Variants in PLEKHG1 observed in about 807,000 individuals in gnomAD.
PLEKHG1 encodes pleckstrin homology and RhoGEF domain containing G1.
A neutral mutation model predicts 100.8 loss-of-function variants in PLEKHG1; 44 were observed. The ratio of observed to expected loss-of-function variants is 0.44; its 90% CI spans 0.34 to 0.56. PLEKHG1 has a LOEUF of 0.56. Ranked by LOEUF, PLEKHG1 falls within the 20% of genes least tolerant of loss-of-function variation. The pLI, the probability that PLEKHG1 is intolerant of heterozygous loss-of-function variation, is 0.01. For missense variants in PLEKHG1, 1,545 were observed against 1,720.9 expected (o/e 0.90, Z 1.81); for synonymous variants, 640 against 662.5 (o/e 0.97, Z 0.52).
At chr6:150,640,704 C>T (rs1398452010) in intron 2 of PLEKHG1, among the ~76,000 whole-genome samples, 3 of 152,066 alleles carry the variant, frequency 2.0e-5, no homozygotes, top group Non-Finnish European at 4.4e-5. Flanking sequence ...CACTTTAGCC[C>T]TTACAATTTC....
intron 2 of PLEKHG1, among the ~76,000 whole-genome samples, chr6:150,640,092 AG>A (rs1778189228): frequency 1.3e-5 from 2 of 152,248 alleles, no homozygotes; most frequent in African/African-American, 4.8e-5. Flanking sequence ...CTTTCCCTGT[AG>A]GGTTACCCAT....
intron 3 of PLEKHG1, among the ~76,000 whole-genome samples, chr6:150,780,794 T>C (rs1583115199): frequency 6.6e-6 from 1 of 152,146 alleles, no homozygotes; most frequent in Admixed American, 6.5e-5. Flanking sequence ...GAAGATTCAT[T>C]TGATGAATCC....
chr6:150,654,594 A>G (rs2128576409), intron 3 of PLEKHG1, among the ~76,000 whole-genome samples: 1 of 152,324 alleles, frequency 6.6e-6, no homozygotes, highest in South Asian at 2.1e-4. Flanking sequence ...TGTGGGATTG[A>G]AATATGACTG....
intron 1 of PLEKHG1, among the ~76,000 whole-genome samples, chr6:150,634,086 AAC>A: frequency 6.9e-6 from 1 of 145,404 alleles, no homozygotes; most frequent in African/African-American, 2.5e-5. Context: ...TACTAACAAC[AAC>A]AAAAAAAAAT....
intron 1 of PLEKHG1, among the ~76,000 whole-genome samples, chr6:150,609,453 C>A (rs1776731617): frequency 6.6e-6 from 1 of 151,974 alleles, no homozygotes; most frequent in Admixed American, 6.6e-5. Flanking sequence ...GTAGGGCAGG[C>A]CTTAGAGAGA....
At chr6:150,603,853 G>A (rs760231326) in intron 1 of PLEKHG1, among the ~76,000 whole-genome samples, 1 of 152,082 alleles carries the variant, frequency 6.6e-6, no homozygotes, top group Non-Finnish European at 1.5e-5. Context: ...CCCTCCCTTC[G>A]TGGTCCTAGA....
exon 16 of PLEKHG1, chr6:150,842,206 T>C (rs949199493): frequency 2.0e-5 from 3 of 152,250 alleles, no homozygotes; most frequent in African/African-American, 7.2e-5. Flanking sequence ...TAACATATTC[T>C]ATTTTATTGA....
intron 1 of PLEKHG1, among the ~76,000 whole-genome samples, chr6:150,604,239 AT>A (rs1776492209): frequency 6.6e-6 from 1 of 152,240 alleles, no homozygotes; most frequent in Admixed American, 6.5e-5. Flanking sequence ...GAGCTCTAAT[AT>A]TTGAAGTGGT....
At chr6:150,768,769 A>G (rs750843035) in intron 3 of PLEKHG1, 31 bp downstream of exon 4, 6 of 1,235,792 alleles carry the variant, frequency 4.9e-6, no homozygotes, top group Admixed American at 3.4e-5. Flanking sequence ...TTGTTCTCAC[A>G]TACGAGCATT....
chr6:150,843,617 A>T (rs529754513), exon 16 of PLEKHG1: 1 of 152,350 alleles, frequency 6.6e-6, no homozygotes, highest in South Asian at 2.1e-4. Flanking sequence ...TAAGATAATG[A>T]AAGTTAGTAA....
At chr6:150,613,346 T>C (rs1776929689) in intron 1 of PLEKHG1, among the ~76,000 whole-genome samples, 1 of 152,256 alleles carries the variant, frequency 6.6e-6, no homozygotes, top group African/African-American at 2.4e-5. Flanking sequence ...GTATAGCATG[T>C]ATCAACACCT....
At chr6:150,643,762 T>C (rs1455867892) in intron 2 of PLEKHG1, among the ~76,000 whole-genome samples, 1 of 152,172 alleles carries the variant, frequency 6.6e-6, no homozygotes, top group Non-Finnish European at 1.5e-5. Context: ...CACTACATAA[T>C]TGAATCAAAT....
intron 14 of PLEKHG1, among the ~76,000 whole-genome samples, chr6:150,824,919 A>T (rs939449140): frequency 2.0e-5 from 3 of 151,998 alleles, no homozygotes; most frequent in Non-Finnish European, 4.4e-5. Flanking sequence ...GAAACGTGTG[A>T]AACTTATTAA....
intron 3 of PLEKHG1, among the ~76,000 whole-genome samples, chr6:150,669,491 A>T (rs1381831526): frequency 6.6e-6 from 1 of 151,754 alleles, no homozygotes; most frequent in African/African-American, 2.4e-5. Flanking sequence ...TTGGGGTTAA[A>T]TTTTTGCCTA....
intron 3 of PLEKHG1, among the ~76,000 whole-genome samples, chr6:150,708,592 C>T (rs894066357): frequency 6.6e-6 from 1 of 152,196 alleles, no homozygotes; most frequent in African/African-American, 2.4e-5. Context: ...TCTATGGAGG[C>T]TCATCCAGGA....
At chr6:150,791,227 A>G (rs910987844) in intron 4 of PLEKHG1, among the ~76,000 whole-genome samples, 1 of 152,178 alleles carries the variant, frequency 6.6e-6, no homozygotes, top group African/African-American at 2.4e-5. Flanking sequence ...CAGTCCCTCC[A>G]GGTAATTCTG....
At chr6:150,685,856 A>G (rs956174483) in intron 3 of PLEKHG1, among the ~76,000 whole-genome samples, 6 of 151,514 alleles carry the variant, frequency 4.0e-5, no homozygotes, top group Admixed American at 2.6e-4. Context: ...GGGGGAAAAA[A>G]GAGTGAAATC....
chr6:150,806,223 CTTTTTTTTTTTTTTT>C (rs58040509), intron 7 of PLEKHG1, among the ~76,000 whole-genome samples: 1 of 89,764 alleles, frequency 1.1e-5, no homozygotes, highest in Non-Finnish European at 2.1e-5. Flanking sequence ...TTCCAGGCTG[CTTTTTTTTTTTTTTT>C]TTTTTTTTTG....
intron 2 of PLEKHG1, among the ~76,000 whole-genome samples, chr6:150,762,540 C>A (rs1417555093): frequency 6.6e-6 from 1 of 152,062 alleles, no homozygotes; most frequent in Non-Finnish European, 1.5e-5. Flanking sequence ...CTCCTTCCTT[C>A]CCCCTGCCCA....
Sources: gnomAD v4.1 joint callset for allele counts (sites outside exome capture counted in the v4.1 genomes callset) on GRCh38, gnomAD v4.1.1 for gene constraint, MANE v1.5 for transcripts, NCBI Gene and HGNC (gene_info 2026-07-23, HGNC 2026-07-21) for gene names.